TTC28: variants seen among roughly 807,000 people sequenced by gnomAD.
The protein encoded by TTC28 is tetratricopeptide repeat domain 28.
TTC28 carries 61 observed loss-of-function variants against 198.0 expected under a neutral mutation model. The ratio of observed to expected loss-of-function variants is 0.31; its 90% CI spans 0.25 to 0.38. TTC28 has a LOEUF of 0.38. Among genes scored for constraint, TTC28 ranks in the 10% least tolerant of loss-of-function variants. The pLI is 1.00. For synonymous variants in TTC28, 1,171 were observed against 1,297.8 expected (o/e 0.90, Z 2.10); for missense variants, 2,678 against 3,164.0 (o/e 0.85, Z 3.69).
intron 2 of TTC28, among the ~76,000 whole-genome samples, chr22:28,314,160 G>A (rs2045315154): frequency 6.6e-6 from 1 of 152,176 alleles, no homozygotes; most frequent in Non-Finnish European, 1.5e-5. Flanking sequence ...TACAAGGGAT[G>A]TGACAGACCT....
At chr22:28,166,494 A>C (rs1010231005) in intron 5 of TTC28, among the ~76,000 whole-genome samples, 1 of 152,250 alleles carries the variant, frequency 6.6e-6, no homozygotes, top group Non-Finnish European at 1.5e-5. Flanking sequence ...AGTGCAATCA[A>C]ACTAGAACTC....
At chr22:28,047,808 G>A (rs1265009533) in intron 12 of TTC28, among the ~76,000 whole-genome samples, 1 of 152,176 alleles carries the variant, frequency 6.6e-6, no homozygotes, top group Non-Finnish European at 1.5e-5. Flanking sequence ...GAGGAAGAGG[G>A]ATTTCAGTGG....
chr22:28,145,195 A>C lies in TTC28; in HGVS notation c.1441+17897T>G, dbSNP rs544027917. Among the ~76,000 whole-genome samples the C allele has an allele frequency of 2.0e-5, 3 of 152,350 alleles. No individual in the cohort carries two copies. The East Asian group carries it at 5.8e-4, about 29-fold the overall frequency. On this transcript the variant is annotated intron_variant, in intron 6 of 22. Transcript: ENST00000397906. Reference sequence around the variant, plus strand: ...CATATTAATACGGCTCTAGTCATTAAAGCGTTTTCACATTCACACTTTCAT... The same window carrying C: ...CATATTAATACGGCTCTAGTCATTACAGCGTTTTCACATTCACACTTTCAT...
rs1000568981 is a variant in TTC28, at chr22:28,648,273, C to T, written c.103-18443G>A. ...GACATCAGTAATCATCAGGGAAATG[C>T]ACATTAAAACCACAATGAGACACCA... On this transcript the variant is annotated intron_variant, in intron 1 of 22. Transcript: ENST00000397906. Among the ~76,000 whole-genome samples the T allele has an allele frequency of 1.2e-4, 17 of 145,824 alleles. 1 individual carries two copies. Among genetic ancestry groups the T allele is most frequent in the African/African-American group, 4.0e-4 (16 of 39,576 alleles).
intron 4 of TTC28, 26 bp downstream of exon 4, chr22:28,297,551 TGCA>T: frequency 6.5e-7 from 1 of 1,537,120 alleles, no homozygotes; most frequent in Non-Finnish European, 8.8e-7. Flanking sequence ...GTTCCCTTTC[TGCA>T]CTGAAATAGA....
At chr22:28,648,744 A>C (rs538967185) in intron 1 of TTC28, among the ~76,000 whole-genome samples, 297 of 152,294 alleles carry the variant, frequency 2.0e-3, no homozygotes, top group Middle Eastern at 3.4e-3. Context: ...CCCTGTCTCT[A>C]CTAAAAATAC....
chr22:28,337,741 C>T lies in TTC28; in HGVS notation c.382-31098G>A, dbSNP rs565356485. Reference sequence around the variant, plus strand: ...TTTTGAGCCTATGTGTGTCTCTGCACGTGAGATGGGTTTCCTGAATACAGC... The same window carrying T: ...TTTTGAGCCTATGTGTGTCTCTGCATGTGAGATGGGTTTCCTGAATACAGC... On this transcript the variant is annotated intron_variant, in intron 2 of 22. Transcript: ENST00000397906. Among the ~76,000 whole-genome samples the T allele has an allele frequency of 2.2e-4, 34 of 152,076 alleles. No individual in the cohort carries two copies. The Middle Eastern group carries it at 0.01, about 46-fold the overall frequency.
chr22:28,531,051 C>T (rs980387412), intron 2 of TTC28, among the ~76,000 whole-genome samples: 1 of 152,138 alleles, frequency 6.6e-6, no homozygotes, highest in African/African-American at 2.4e-5. Context: ...CAAATTCACA[C>T]ATAACAATAT....
At chr22:28,514,837 T>C (rs1462074548) in intron 2 of TTC28, among the ~76,000 whole-genome samples, 1 of 152,196 alleles carries the variant, frequency 6.6e-6, no homozygotes, top group Non-Finnish European at 1.5e-5. Flanking sequence ...AAAGAGTAGT[T>C]CCAAAGCAAT....
At chr22:28,062,091 A>C (rs928106003) in intron 12 of TTC28, among the ~76,000 whole-genome samples, 1 of 151,932 alleles carries the variant, frequency 6.6e-6, no homozygotes, top group Non-Finnish European at 1.5e-5. Context: ...TCTGTTGCCT[A>C]GGCTGGAATG....
chr22:28,178,255 GACT>G (rs1923358644), intron 5 of TTC28, among the ~76,000 whole-genome samples: 1 of 146,194 alleles, frequency 6.8e-6, no homozygotes, highest in South Asian at 2.1e-4. Context: ...AGGAGTTCGA[GACT>G]AGCCTGCCTA....
intron 5 of TTC28, among the ~76,000 whole-genome samples, chr22:28,256,142 A>C (rs116772911): frequency 0.016 from 2,406 of 151,378 alleles, 84 homozygotes; most frequent in African/African-American, 0.056. Flanking sequence ...ATAGTAGAGG[A>C]TGGGTGTGGC....
chr22:28,256,071 C>A (rs979352560), intron 5 of TTC28, among the ~76,000 whole-genome samples: 2 of 150,652 alleles, frequency 1.3e-5, no homozygotes, highest in Non-Finnish European at 3.0e-5. Flanking sequence ...ACATTAGTAG[C>A]AAAGAAATAG....
intron 2 of TTC28, among the ~76,000 whole-genome samples, chr22:28,600,492 AAAGT>A (rs1256229525): frequency 1.3e-5 from 2 of 152,230 alleles, no homozygotes; most frequent in Non-Finnish European, 2.9e-5. Context: ...AGAGCATGCA[AAAGT>A]AAGTGTAAAA....
intron 2 of TTC28, among the ~76,000 whole-genome samples, chr22:28,377,350 T>C (rs2046428438): frequency 6.6e-6 from 1 of 150,976 alleles, no homozygotes; most frequent in African/African-American, 2.4e-5. Flanking sequence ...CTAGTTGAGA[T>C]TACAGGCATG....
At chr22:28,570,620 G>T in intron 2 of TTC28, among the ~76,000 whole-genome samples, 1 of 152,034 alleles carries the variant, frequency 6.6e-6, no homozygotes, top group African/African-American at 2.4e-5. Flanking sequence ...CCTAGGTGAT[G>T]AAATAATCTG....
intron 14 of TTC28, among the ~76,000 whole-genome samples, chr22:28,009,763 C>A (rs189148304): frequency 6.6e-6 from 1 of 152,356 alleles, no homozygotes; most frequent in Admixed American, 6.5e-5. Flanking sequence ...CACCTGTCTT[C>A]CCCAGGTTTA....
intron 12 of TTC28, among the ~76,000 whole-genome samples, chr22:28,039,663 G>C (rs924450596): frequency 1.3e-5 from 2 of 151,834 alleles, no homozygotes; most frequent in Admixed American, 1.3e-4. Context: ...AAAACTTAAA[G>C]TATAAAAAAA....
intron 2 of TTC28, among the ~76,000 whole-genome samples, chr22:28,456,677 G>A (rs570022960): frequency 3.3e-5 from 5 of 152,278 alleles, no homozygotes; most frequent in Admixed American, 6.5e-5. Flanking sequence ...CAGGATTCAA[G>A]CGATTCTCCT....
Sources: allele counts gnomAD v4.1 joint callset (sites outside exome capture counted in the v4.1 genomes callset), GRCh38; gene constraint gnomAD v4.1.1; transcripts MANE v1.5; gene names NCBI Gene and HGNC (gene_info 2026-07-23, HGNC 2026-07-21).